Variants in IGSF22 observed in about 807,000 individuals in gnomAD.
IGSF22 encodes the protein immunoglobulin superfamily, member 22.
Under a neutral mutation model 127.0 loss-of-function variants are expected in IGSF22, and 119 were observed. The ratio of observed to expected loss-of-function variants is 0.94; its 90% CI spans 0.81 to 1.09. The LOEUF is 1.09. Among genes scored for constraint, IGSF22 ranks in the 50% least tolerant of loss-of-function variants. The probability of loss-of-function intolerance (pLI) is 0.00; values close to 1 mark genes in which losing one functional copy is unlikely to be tolerated. For missense variants in IGSF22, 1,518 were observed against 1,716.6 expected (o/e 0.88, Z 2.04); for synonymous variants, 568 against 664.7 (o/e 0.85, Z 2.24).
Position 18,714,533 on chromosome 11 carries a change from C to T in IGSF22, c.1623G>A (p.Lys541=), listed in dbSNP as rs1848423610. 1 of 1,614,132 alleles carries T rather than the reference C, an allele frequency of 6.2e-7. No individual in the cohort carries two copies. Among genetic ancestry groups the T allele is most frequent in the Non-Finnish European group, 8.5e-7 (1 of 1,180,058 alleles). ...AELCVVLNDE[K]VEGVWLKDGK... ...CATCCTTCAGCCACACACCCTCCAC[C>T]TTCTCGTCATTCAGCACTACACACA... is the stretch of plus-strand genomic sequence containing the variant. Residue 541 remains lysine (K), a synonymous_variant, in exon 12 of 23, where the codon AAG becomes AAA. Coordinates refer to ENST00000513874, the MANE Select transcript of IGSF22 (RefSeq NM_173588.4).
At position 18,706,134 on chromosome 11, in the gene IGSF22, C is replaced by T; in HGVS notation, c.3593G>A (p.Ser1198Asn). The T allele has an allele frequency of 6.5e-7, 1 of 1,541,550 alleles. No homozygotes were observed. Among genetic ancestry groups the T allele is most frequent in the East Asian group, 2.4e-5 (1 of 40,892 alleles). ...LINKDQIQDL[S>N]AKLKPYEKKD... ...CTTCTCGTAGGGCTTGAGCTTGGCG[C>T]TCAGGTCCTGGACTGCGCGGGCGGG... The change falls in exon 22 of 23, where the codon AGC (serine) becomes AAC (asparagine). Residue 1198 changes from serine to asparagine, a missense_variant. Ser to Asn is a conservative substitution (Grantham distance 46). Around this residue, in one of 3 missense-constraint regions of IGSF22, gnomAD observed 1,456 missense variants for 1,644.9 expected, o/e 0.89. Coordinates refer to ENST00000513874, the MANE Select transcript of IGSF22 (RefSeq NM_173588.4).
rs758666846 is a variant in IGSF22 at position 18,707,187 on chromosome 11, G to A, written c.3307C>T (p.Arg1103Trp). 3.9e-6 allele frequency: 6 copies of A among 1,541,950 alleles called. No individual in the cohort carries two copies. The highest frequency in any genetic ancestry group is 1.4e-5 in the African/African-American group (1 of 73,010). The change falls in exon 21 of 23, where the codon CGG (arginine) becomes TGG (tryptophan). Residue 1103 changes from arginine (R) to tryptophan (W), a missense_variant. Arg to Trp is a moderately radical substitution (Grantham distance 101). This residue lies in a region of IGSF22 where 1,456 missense variants were observed against 1,644.9 expected (regional missense o/e 0.89). Coordinates refer to ENST00000513874, the MANE Select transcript of IGSF22 (RefSeq NM_173588.4). Reference sequence around the variant, plus strand: ...GTGTTGGGGACTTCCTCAAACAACCGTAGGTTTGTGGGGGGCCGAGGGAAA... The same window carrying A: ...GTGTTGGGGACTTCCTCAAACAACCATAGGTTTGTGGGGGGCCGAGGGAAA... ...ADFPRPPTNLRLFEEVPNTVT... is the reference protein window; with the variant it reads ...ADFPRPPTNLWLFEEVPNTVT...
In IGSF22 at chr11:18,715,488, G is replaced by A. The variant is rs926596272; in HGVS notation, c.1475C>T (p.Ala492Val). The A allele has an allele frequency of 6.2e-7, 1 of 1,613,702 alleles. No homozygotes were observed. The highest frequency in any genetic ancestry group is 8.5e-7 in the Non-Finnish European group (1 of 1,179,938). Residue 492 changes from alanine (A) to valine (V), a missense_variant, in exon 11 of 23, where the codon GCC becomes GTC. Ala to Val is a moderately conservative substitution (Grantham distance 64). This residue lies in a region of IGSF22 where 1,456 missense variants were observed against 1,644.9 expected (regional missense o/e 0.89). Coordinates refer to ENST00000513874, the MANE Select transcript of IGSF22 (RefSeq NM_173588.4). Reference sequence around the variant, plus strand: ...TTCAGTAGGGTCTCCATCCTGCATGGCCACCACAGTGTACTCGCCACCATC... The same window carrying A: ...TTCAGTAGGGTCTCCATCCTGCATGACCACCACAGTGTACTCGCCACCATC... ...LSDGGEYTVV[A>V]MQDGDPTEYY...
In IGSF22 at chr11:18,713,932, C is replaced by CGTGA. The variant is rs1196050625; in HGVS notation, c.2014_2015insTCAC (p.Arg672LeufsTer3). On this transcript the variant is annotated frameshift_variant, in exon 14 of 23. Transcript: ENST00000513874. LOFTEE classifies it high-confidence loss of function. ...GAGCAGGATGAGGCCGCTGTCTTCACGCACACAGTTGGAGATGGTGAGCAG... is the reference window on the plus strand; with the variant it reads ...GAGCAGGATGAGGCCGCTGTCTTCACGTGAGCACACAGTTGGAGATGGTGAGCAG... 6.2e-7 allele frequency: 1 copy of CGTGA among 1,614,144 alleles called. No individual in the cohort carries two copies. Among genetic ancestry groups the CGTGA allele is most frequent in the East Asian group, 2.2e-5 (1 of 44,898 alleles).
chr11:18,709,761 C>T lies in IGSF22; in HGVS notation c.2702-78G>A. On this transcript the variant is annotated intron_variant, in intron 17 of 22. Coordinates refer to ENST00000513874, the MANE Select transcript of IGSF22 (RefSeq NM_173588.4). The surrounding 1 kb of genome is among the most constrained non-coding windows in gnomAD (Gnocchi z 4.8). ...CCTTGCTCACTTCCCACACTCAATACTCCTGAACCCCATCCTTCACTACTT... is the reference window on the plus strand; with the variant it reads ...CCTTGCTCACTTCCCACACTCAATATTCCTGAACCCCATCCTTCACTACTT... 1 of 1,405,246 alleles carries T rather than the reference C, an allele frequency of 7.1e-7. No individual in the cohort carries two copies. Among genetic ancestry groups the T allele is most frequent in the African/African-American group, 1.4e-5 (1 of 70,514 alleles). The allele number at this position is 1,405,246 out of a possible 1,614,324, so 87.0% of individuals were successfully genotyped here. A position where few individuals can be genotyped will look rare whatever the true frequency, so the allele number is the denominator to read the frequency against.
rs1050911743 is a variant in IGSF22 at position 18,714,381 on chromosome 11, C to A, written c.1694G>T (p.Gly565Val). 1 of 1,614,236 alleles carries A rather than the reference C, an allele frequency of 6.2e-7. No individual in the cohort carries two copies. Among genetic ancestry groups the A allele is most frequent in the Non-Finnish European group, 8.5e-7 (1 of 1,180,038 alleles). The change falls in exon 13 of 23, where the codon GGT (glycine) becomes GTT (valine). Residue 565 changes from glycine to valine, a missense_variant. Physicochemically the swap from Gly to Val is moderately radical, Grantham distance 109. This residue lies in a region of IGSF22 where 1,456 missense variants were observed against 1,644.9 expected (regional missense o/e 0.89). Coordinates refer to ENST00000513874, the MANE Select transcript of IGSF22 (RefSeq NM_173588.4). ...DLPGMQIVKQ[G>V]AVHKLIFPSM... The stretch of plus-strand genomic sequence containing the variant: ...GGGAAAGATGAGCTTGTGCACTGCA[C>A]CCTGCTTCACAATCTGCATGCCTGG...
chr11:18,719,590 G>T, intron 7 of IGSF22, 126 bp downstream of exon 7: 1 of 879,790 alleles, frequency 1.1e-6, no homozygotes, highest in Non-Finnish European at 1.8e-6. Context: ...ACAGTGGAGA[G>T]TACGCCTCTG....
intron 2 of IGSF22, among the ~76,000 whole-genome samples, chr11:18,723,344 C>A (rs1376063875): frequency 1.1e-4 from 16 of 152,258 alleles, no homozygotes; most frequent in Non-Finnish European, 1.8e-4. Flanking sequence ...TTTGGAACTT[C>A]TGGTCTAGAC....
chr11:18,722,836 G>A (rs1472107369), intron 2 of IGSF22, among the ~76,000 whole-genome samples: 1 of 152,192 alleles, frequency 6.6e-6, no homozygotes. Flanking sequence ...GGAAAAGTGT[G>A]TTAAGAAGCT....
Position 18,712,401 on chromosome 11 carries a change from G to C in IGSF22, c.2096-17C>G. On this transcript the variant is annotated splice_polypyrimidine_tract_variant and intron_variant, in intron 14 of 22. Transcript: ENST00000513874. ...TTGGACGGTCTGGGGACAGAGAACA[G>C]CTTCAGAATGGGGCTTTGGAACAAA... 6.5e-7 allele frequency: 1 copy of C among 1,538,772 alleles called. No individual in the cohort carries two copies. The highest frequency in any genetic ancestry group is 8.8e-7 in the Non-Finnish European group (1 of 1,139,010).
intron 21 of IGSF22, chr11:18,706,613 T>G: frequency 2.7e-6 from 1 of 369,496 alleles, no homozygotes; most frequent in Non-Finnish European, 4.9e-6. Context: ...CCCTCCCCTG[T>G]TCTCAGCCCC....
intron 21 of IGSF22, 135 bp from the exon 22 acceptor site, chr11:18,706,281 A>C: frequency 1.2e-6 from 1 of 842,858 alleles, no homozygotes; most frequent in Non-Finnish European, 1.8e-6. Flanking sequence ...TGGGGGCCCA[A>C]TGTTACACTG....
chr11:18,719,833 C>G lies in IGSF22; in HGVS notation c.579G>C (p.Glu193Asp), dbSNP rs759777039. 1 of 1,614,220 alleles carries G rather than the reference C, an allele frequency of 6.2e-7. No homozygotes were observed. The highest frequency in any genetic ancestry group is 8.5e-7 in the Non-Finnish European group (1 of 1,180,036). Reference protein sequence around the residue: ...KKVANEKEMLEILSKVPKKDF... With the variant: ...KKVANEKEMLDILSKVPKKDF... ...CTTTCTTGGGCACTTTGGACAAAATCTCCAGCATCTCTTTCTCATTTGCCA... is the reference window on the plus strand; with the variant it reads ...CTTTCTTGGGCACTTTGGACAAAATGTCCAGCATCTCTTTCTCATTTGCCA... Residue 193 changes from glutamate to aspartate, a missense_variant, in exon 7 of 23, where the codon GAG (glutamate) becomes GAC (aspartate). Coordinates refer to ENST00000513874, the MANE Select transcript of IGSF22 (RefSeq NM_173588.4).
At chr11:18,713,762 C>G (rs760350303) in intron 14 of IGSF22, 90 bp downstream of exon 14, 4 of 1,085,708 alleles carry the variant, frequency 3.7e-6, no homozygotes, top group Non-Finnish European at 5.2e-6. Flanking sequence ...TCAACTCTAA[C>G]TCTGGCCTCC....
chr11:18,714,725 G>T, intron 11 of IGSF22, 101 bp from the exon 12 acceptor site: 1 of 1,449,720 alleles, frequency 6.9e-7, no homozygotes, highest in Non-Finnish European at 9.3e-7. Context: ...GGTCAGGGGT[G>T]CTGCGTCAAT....
In IGSF22 at chr11:18,708,312, A is replaced by G; in HGVS notation, c.2999-17T>C. ...TGGGTGCAGCTGAGATGGAGGAGAC[A>G]GAGGTGGAGGCATGGATCTGTCTTT... On this transcript the variant is annotated splice_polypyrimidine_tract_variant and intron_variant, in intron 18 of 22. Coordinates refer to ENST00000513874, the MANE Select transcript of IGSF22 (RefSeq NM_173588.4). 6.6e-7 allele frequency: 1 copy of G among 1,525,926 alleles called. No homozygotes were observed. Among genetic ancestry groups the G allele is most frequent in the Non-Finnish European group, 8.8e-7 (1 of 1,134,472 alleles). 94.5% of individuals were successfully genotyped at this position (1,525,926 alleles called of 1,614,324 possible). A position where few individuals can be genotyped will look rare whatever the true frequency, so the allele number is the denominator to read the frequency against.
rs771437276 is a variant in IGSF22 at position 18,724,173 on chromosome 11, T to G, written c.64A>C (p.Thr22Pro). 6.2e-7 allele frequency: 1 copy of G among 1,614,004 alleles called. No homozygotes were observed. The highest frequency in any genetic ancestry group is 1.1e-5 in the South Asian group (1 of 91,046). ...EHVSMEFSSSTTHVQTFSQTT... is the reference protein window; with the variant it reads ...EHVSMEFSSSPTHVQTFSQTT... ...TGGGAGAAGGTCTGCACGTGGGTGG[T>G]GGAGCTGGAGAACTCCATGGACACG... Residue 22 changes from threonine to proline, a missense_variant, in exon 2 of 23, where the codon ACC becomes CCC. Coordinates refer to ENST00000513874, the MANE Select transcript of IGSF22 (RefSeq NM_173588.4).
intron 19 of IGSF22, 70 bp downstream of exon 19, chr11:18,708,137 C>T: frequency 1.4e-5 from 21 of 1,530,158 alleles, no homozygotes; most frequent in Non-Finnish European, 1.5e-5. Context: ...GAGTCAGAGA[C>T]TGTGATGGCT....
chr11:18,707,327 T>C (rs1848260322), intron 20 of IGSF22, 114 bp from the exon 21 acceptor site: 1 of 970,834 alleles, frequency 1.0e-6, no homozygotes, highest in Non-Finnish European at 1.5e-6. Context: ...CTCAGGCAGC[T>C]GGTGTCTTGG....
Sources: allele counts gnomAD v4.1 joint callset (sites outside exome capture counted in the v4.1 genomes callset), GRCh38; gene constraint gnomAD v4.1.1; regional missense constraint gnomAD v4.1.1; non-coding constraint Gnocchi (gnomAD v3.1); transcripts MANE v1.5; gene names NCBI Gene and HGNC (gene_info 2026-07-23, HGNC 2026-07-21).